Variants in FAM234B observed in about 807,000 individuals in gnomAD.
The protein encoded by FAM234B is family with sequence similarity 234 member B.
FAM234B carries 33 observed loss-of-function variants against 69.3 expected under a neutral mutation model. The observed-to-expected ratio is 0.48, with a 90% CI of 0.36 to 0.64. The LOEUF (loss-of-function observed/expected upper bound fraction) is 0.64. FAM234B is among the 30% of genes least tolerant of loss of function. FAM234B has a pLI of 0.00. For synonymous variants in FAM234B, 306 were observed against 306.9 expected (o/e 1.00, Z 0.03); for missense variants, 697 against 769.7 (o/e 0.91, Z 1.12).
chr12:13,062,336 C>G (rs1255933783), intron 4 of FAM234B: 1 of 155,798 alleles, frequency 6.4e-6, no homozygotes, highest in Non-Finnish European at 1.4e-5. Flanking sequence ...ACATCCTTCC[C>G]AGGTTTAGAG....
Position 13,067,814 on chromosome 12 carries a change from G to A in FAM234B, c.1143-490G>A, listed in dbSNP as rs893953985. Among the ~76,000 whole-genome samples, 4 of 152,192 alleles carry A rather than the reference G, an allele frequency of 2.6e-5. No individual in the cohort carries two copies. Among genetic ancestry groups the A allele is most frequent in the African/African-American group, 7.2e-5 (3 of 41,442 alleles). On this transcript the variant is annotated intron_variant, in intron 7 of 12. Coordinates refer to ENST00000197268, the MANE Select transcript of FAM234B (RefSeq NM_020853.2). The surrounding 1 kb of genome is among the most constrained non-coding windows in gnomAD (Gnocchi z 4.7). The stretch of plus-strand genomic sequence containing the variant: ...ATTGTTTCATTCTTTCCTACCAGAA[G>A]TTCCAAATCATTTTCTAGCATTTTC...
chr12:13,047,115 A>G (rs1025028489), intron 1 of FAM234B, among the ~76,000 whole-genome samples: 2 of 152,204 alleles, frequency 1.3e-5, no homozygotes, highest in African/African-American at 4.8e-5. Flanking sequence ...ATAGTGAGCT[A>G]TTGACAGATC....
chr12:13,061,421 C>CGA (rs1458363865), intron 3 of FAM234B, among the ~76,000 whole-genome samples, 154 bp from the exon 4 acceptor site: 3 of 152,234 alleles, frequency 2.0e-5, no homozygotes, highest in Non-Finnish European at 4.4e-5. Context: ...TCTGTGTTCA[C>CGA]ATCTTGCTGC....
chr12:13,075,611 T>TTTTTTTTTTTTTTTTCTC (rs1865150617), intron 10 of FAM234B, among the ~76,000 whole-genome samples: 1 of 14,042 alleles, frequency 7.1e-5, no homozygotes, highest in Non-Finnish European at 1.7e-4. Context: ...TTTTTTTCTC[T>TTTTTTTTTTTTTTTTCTC]TTTTTTTTTT....
rs1479632035 is a variant in FAM234B at position 13,067,600 on chromosome 12, G to A, written c.1142+304G>A. Among the ~76,000 whole-genome samples the A allele has an allele frequency of 6.6e-6, 1 of 152,178 alleles. No individual in the cohort carries two copies. Among genetic ancestry groups the A allele is most frequent in the Non-Finnish European group, 1.5e-5 (1 of 68,020 alleles). On this transcript the variant is annotated intron_variant, in intron 7 of 12. Transcript: ENST00000197268. The surrounding 1 kb of genome is among the most constrained non-coding windows in gnomAD (Gnocchi z 4.7). Reference sequence around the variant, plus strand: ...GGGAGATAGACTTATCTAACTGTTTGTGAAACTGTGCTGAAGGATCTGACC... The same window carrying A: ...GGGAGATAGACTTATCTAACTGTTTATGAAACTGTGCTGAAGGATCTGACC...
At chr12:13,072,545 T>C (rs1591601796) in intron 10 of FAM234B, among the ~76,000 whole-genome samples, 1 of 152,022 alleles carries the variant, frequency 6.6e-6, no homozygotes, top group African/African-American at 2.4e-5. Context: ...GCCTGGCCAA[T>C]GTAGTGAAAC....
intron 5 of FAM234B, among the ~76,000 whole-genome samples, chr12:13,066,017 T>G (rs1404311597): frequency 1.3e-5 from 2 of 152,230 alleles, no homozygotes; most frequent in African/African-American, 4.8e-5. Flanking sequence ...ACTACTTGTT[T>G]TTATAAATAG....
rs1864779251 is a variant in FAM234B at position 13,044,435 on chromosome 12, T to G, written c.32T>G (p.Leu11Arg). The G allele has an allele frequency of 6.4e-7, 1 of 1,551,408 alleles. No individual in the cohort carries two copies. The highest frequency in any genetic ancestry group is 2.0e-5 in the Admixed American group (1 of 51,174). The change falls in exon 1 of 13, where the codon CTG becomes CGG. Residue 11 changes from leucine (L) to arginine (R), a missense_variant. By Grantham distance (102) the Leu-to-Arg change is moderately radical. Around this residue, in one of 3 missense-constraint regions of FAM234B, gnomAD observed 380 missense variants for 447.1 expected, o/e 0.85. Coordinates refer to ENST00000197268, the MANE Select transcript of FAM234B (RefSeq NM_020853.2). This position sits in a 1 kb window ranked among gnomAD's most constrained non-coding sequence, Gnocchi z 5.6. ...ACCGTGCTGTCCAGGGCGCTCAAGC[T>G]GCCGGGTAAGGAGTCGCATGCTTGC... is the stretch of plus-strand genomic sequence containing the variant. MATVLSRALK[L>R]PGKKSPDLGE...
At chr12:13,079,674 G>A (rs1177646937) in intron 11 of FAM234B, 115 bp from the exon 12 acceptor site, 1 of 698,768 alleles carries the variant, frequency 1.4e-6, no homozygotes, top group Non-Finnish European at 2.5e-6. Flanking sequence ...TCAGTGCTCA[G>A]TACATTTCCT....
At chr12:13,047,293 A>G (rs1864822595) in intron 1 of FAM234B, among the ~76,000 whole-genome samples, 1 of 152,166 alleles carries the variant, frequency 6.6e-6, no homozygotes, top group Non-Finnish European at 1.5e-5. Flanking sequence ...TTCTTAGGCC[A>G]TTTTAAAGTT....
intron 11 of FAM234B, among the ~76,000 whole-genome samples, chr12:13,079,139 A>G (rs1204055517): frequency 6.6e-6 from 1 of 152,206 alleles, no homozygotes; most frequent in Non-Finnish European, 1.5e-5. Flanking sequence ...ACTTCAAACT[A>G]TACTACAAGG....
rs750874285 is a variant in FAM234B, at chr12:13,067,336, T to C, written c.1142+40T>C. On this transcript the variant is annotated intron_variant, in intron 7 of 12. Coordinates refer to ENST00000197268, the MANE Select transcript of FAM234B (RefSeq NM_020853.2). The surrounding 1 kb of genome is among the most constrained non-coding windows in gnomAD (Gnocchi z 4.7). ...TGTCCTTGGTCACAGTGAGATCTCT[T>C]GTGAACTCACATGCCTTTGAGTCTC... 4.4e-6 allele frequency: 7 copies of C among 1,608,400 alleles called. No individual in the cohort carries two copies. Among genetic ancestry groups the C allele is most frequent in the South Asian group, 3.3e-5 (3 of 90,848 alleles).
rs982892195 is a variant in FAM234B, at chr12:13,082,235, G to A, written c.*1605G>A. The stretch of plus-strand genomic sequence containing the variant: ...CTGCTTCTGCCTCCCAAAGTGCTGG[G>A]ATTACAGGCGTGAGCCACCATGCCC... On this transcript the variant is annotated 3_prime_UTR_variant, in exon 13 of 13. Transcript: ENST00000197268. The A allele has an allele frequency of 1.3e-5, 2 of 152,204 alleles. No homozygotes were observed. The highest frequency in any genetic ancestry group is 1.3e-4 in the Admixed American group (2 of 15,278). 9.4% of individuals were successfully genotyped at this position (152,204 alleles called of 1,614,324 possible). A position where few individuals can be genotyped will look rare whatever the true frequency, so the allele number is the denominator to read the frequency against.
chr12:13,068,112 A>T (rs1308678319), intron 7 of FAM234B, among the ~76,000 whole-genome samples, 192 bp from the exon 8 acceptor site: 2 of 152,146 alleles, frequency 1.3e-5, no homozygotes, highest in Admixed American at 6.5e-5. Context: ...TTTTCTGGGG[A>T]TCCTTGGTTT....
chr12:13,059,550 G>A (rs1416611927), intron 3 of FAM234B, among the ~76,000 whole-genome samples: 2 of 152,228 alleles, frequency 1.3e-5, no homozygotes, highest in Admixed American at 1.3e-4. Context: ...CTACAGTGGA[G>A]TCAAACTGCA....
intron 3 of FAM234B, 149 bp downstream of exon 3, chr12:13,058,698 G>T: frequency 1.5e-6 from 1 of 685,534 alleles, no homozygotes; most frequent in East Asian, 2.7e-5. Context: ...ACCCTCATCA[G>T]AAAGCTTCCA....
Position 13,071,266 on chromosome 12 carries a change from G to A in FAM234B, c.1394G>A (p.Gly465Asp). The A allele has an allele frequency of 6.2e-7, 1 of 1,614,138 alleles. No homozygotes were observed. Among genetic ancestry groups the A allele is most frequent in the South Asian group, 1.1e-5 (1 of 91,080 alleles). The part of the protein sequence containing the change: ...KKMMVVDGDS[G>D]SIVWSYRAPC... ...ATGATGGTTGTGGATGGTGACTCTG[G>A]CTCCATTGTTTGGAGTTACCGTGCT... Residue 465 changes from glycine (G) to aspartate (D), a missense_variant, in exon 10 of 13, where the codon GGC becomes GAC. Physicochemically the swap from Gly to Asp is moderately conservative, Grantham distance 94 (BLOSUM62 -1). This residue lies in a region of FAM234B where 313 missense variants were observed against 305.5 expected (regional missense o/e 1.02). Coordinates refer to ENST00000197268, the MANE Select transcript of FAM234B (RefSeq NM_020853.2).
chr12:13,055,809 T>C lies in FAM234B; in HGVS notation c.296T>C (p.Val99Ala). The C allele has an allele frequency of 6.2e-7, 1 of 1,614,186 alleles. No individual in the cohort carries two copies. The highest frequency in any genetic ancestry group is 8.5e-7 in the Non-Finnish European group (1 of 1,180,026). ...GLEQKAASSL[V>A]SYVRTSVFLL... ...GAACAGAAGGCGGCCTCCTCCCTGG[T>C]GTCATATGTGCGCACGTCTGTCTTC... The change falls in exon 2 of 13, where the codon GTG becomes GCG. Residue 99 changes from valine (V) to alanine (A), a missense_variant. Coordinates refer to ENST00000197268, the MANE Select transcript of FAM234B (RefSeq NM_020853.2).
rs1865228153 is a variant in FAM234B, at chr12:13,081,630, A to G, written c.*1000A>G. The G allele has an allele frequency of 6.6e-6, 1 of 152,174 alleles. No individual in the cohort carries two copies. The highest frequency in any genetic ancestry group is 2.4e-5 in the African/African-American group (1 of 41,424). The allele number at this position is 152,174 out of a possible 1,614,324, so 9.4% of individuals were successfully genotyped here. A position where few individuals can be genotyped will look rare whatever the true frequency, so the allele number is the denominator to read the frequency against. ...ATGTTTCTGGACTTTTTCTTCTGCT[A>G]CTTGAGTCCAGGATGCAACCATTTT... On this transcript the variant is annotated 3_prime_UTR_variant, in exon 13 of 13. Transcript: ENST00000197268.
Sources: allele counts gnomAD v4.1 joint callset (sites outside exome capture counted in the v4.1 genomes callset), GRCh38; gene constraint gnomAD v4.1.1; regional missense constraint gnomAD v4.1.1; non-coding constraint Gnocchi (gnomAD v3.1); transcripts MANE v1.5; gene names NCBI Gene and HGNC (gene_info 2026-07-23, HGNC 2026-07-21).